The following CARF variants were observed in gnomAD, a reference collection of about 807,000 sequenced individuals.
CARF encodes calcium-responsive transcription factor.
A neutral mutation model predicts 82.0 loss-of-function variants in CARF; 57 were observed. That is an observed-to-expected ratio of 0.70 (90% confidence interval 0.56 to 0.87). The LOEUF is 0.87. Ranked by LOEUF, CARF falls within the 40% of genes least tolerant of loss-of-function variation. The pLI is 0.00. For synonymous variants in CARF, 268 were observed against 290.1 expected, an observed-to-expected ratio of 0.92 and a Z score of 0.77; for missense variants, 771 against 855.8, an observed-to-expected ratio of 0.90 and a Z score of 1.24.
intron 3 of CARF, among the ~76,000 whole-genome samples, chr2:202,927,385 T>C (rs1692047982): frequency 6.6e-6 from 1 of 152,204 alleles, no homozygotes; most frequent in Non-Finnish European, 1.5e-5. Context: ...ATTGTGTATA[T>C]TGATGATATA....
At chr2:202,978,139 C>T (rs1403905949) in intron 14 of CARF, among the ~76,000 whole-genome samples, 1 of 152,210 alleles carries the variant, frequency 6.6e-6, no homozygotes, top group East Asian at 1.9e-4. Flanking sequence ...AGCCACTGCA[C>T]CCGGCCAAAC....
At chr2:202,953,568 A>G (rs190193851) in intron 6 of CARF, among the ~76,000 whole-genome samples, 1 of 119,566 alleles carries the variant, frequency 8.4e-6, no homozygotes, top group Non-Finnish European at 1.6e-5. Flanking sequence ...CCTCATAGCT[A>G]TACTGTTATG....
chr2:202,953,178 C>T (rs2058835738), intron 6 of CARF, among the ~76,000 whole-genome samples: 1 of 151,774 alleles, frequency 6.6e-6, no homozygotes. Flanking sequence ...TGCAACCATG[C>T]CTAATTTTTA....
At chr2:202,947,430 A>G (rs1376717521) in intron 5 of CARF, among the ~76,000 whole-genome samples, 4 of 152,086 alleles carry the variant, frequency 2.6e-5, no homozygotes, top group African/African-American at 9.7e-5. Flanking sequence ...GAACAATGGG[A>G]ACACATGGAC....
At chr2:202,927,238 TC>T (rs1692012880) in intron 3 of CARF, among the ~76,000 whole-genome samples, 1 of 152,188 alleles carries the variant, frequency 6.6e-6, no homozygotes, top group South Asian at 2.1e-4. Context: ...TTGAATTACA[TC>T]CTTTAATATG....
intron 3 of CARF, among the ~76,000 whole-genome samples, chr2:202,936,867 A>T (rs181854645): frequency 4.6e-5 from 7 of 152,354 alleles, no homozygotes; most frequent in Admixed American, 2.0e-4. Flanking sequence ...CTAAGAAACC[A>T]TCACCAAATG....
At chr2:202,982,532 C>A in intron 16 of CARF, 91 bp downstream of exon 16, 1 of 1,417,980 alleles carries the variant, frequency 7.1e-7, no homozygotes, top group Non-Finnish European at 9.6e-7. Context: ...TTATTTCTAC[C>A]CAGTGGGTCT....
intron 8 of CARF, 66 bp from the exon 9 acceptor site, chr2:202,961,171 C>A (rs2059304850): frequency 7.7e-7 from 1 of 1,297,670 alleles, no homozygotes; most frequent in Non-Finnish European, 1.1e-6. Flanking sequence ...GGACAACCAT[C>A]TCATTACATT....
At position 202,916,652 on chromosome 2, in the gene CARF, G is replaced by A. The variant is rs1689723493; in HGVS notation, c.-329-1225G>A. ...GGGATTTATTCTAAGGTTATTGGTT[G>A]TAACAATAATATTTTAATACACAGA... On this transcript the variant is annotated intron_variant, in intron 1 of 16. Coordinates refer to ENST00000438828, the MANE Select transcript of CARF (RefSeq NM_024744.17). Among the ~76,000 whole-genome samples the A allele has an allele frequency of 2.0e-5, 3 of 152,128 alleles. No homozygotes were observed. The South Asian group carries it at 6.2e-4, about 31-fold the overall frequency.
Position 202,971,663 on chromosome 2 carries a change from C to CTTG in CARF, c.1257_1258insTGT (p.Pro419_Gln420insCys). 4.3e-6 allele frequency: 7 copies of CTTG among 1,613,538 alleles called. No individual in the cohort carries two copies. The highest frequency in any genetic ancestry group is 5.9e-6 in the Non-Finnish European group (7 of 1,179,716). On this transcript the variant is annotated inframe_insertion, in exon 12 of 17. Coordinates refer to ENST00000438828, the MANE Select transcript of CARF (RefSeq NM_024744.17). The stretch of plus-strand genomic sequence containing the variant: ...TGTGCATTACCCTCACGTTTACATC[C>CTTG]TCAAGTAGCACATAAGATTCAAGAA...
intron 5 of CARF, among the ~76,000 whole-genome samples, chr2:202,946,762 C>A (rs1452358481): frequency 6.6e-6 from 1 of 152,102 alleles, no homozygotes; most frequent in Non-Finnish European, 1.5e-5. Flanking sequence ...GGTCTAATAT[C>A]CAGAATCTAC....
At chr2:202,969,827 C>A in intron 10 of CARF, 92 bp from the exon 11 acceptor site, 1 of 813,288 alleles carries the variant, frequency 1.2e-6, no homozygotes, top group East Asian at 3.3e-5. Context: ...TTTCTCTAAG[C>A]TTAAATGCTT....
chr2:202,916,313 T>G (rs986465675), intron 1 of CARF, among the ~76,000 whole-genome samples: 7 of 152,012 alleles, frequency 4.6e-5, no homozygotes, highest in Non-Finnish European at 8.8e-5. Context: ...CCCCAGTAGC[T>G]AGGACTATAG....
chr2:202,976,906 CACTT>C (rs1480104471), intron 13 of CARF, among the ~76,000 whole-genome samples: 2 of 152,024 alleles, frequency 1.3e-5, no homozygotes, highest in Non-Finnish European at 2.9e-5. Flanking sequence ...GACTGAGTCT[CACTT>C]TGTTGCCCAG....
chr2:202,919,371 A>G (rs1690354082), intron 2 of CARF, among the ~76,000 whole-genome samples: 1 of 152,228 alleles, frequency 6.6e-6, no homozygotes, highest in South Asian at 2.1e-4. Context: ...AAATAAAATT[A>G]GGCTAGTAAA....
chr2:202,962,632 A>C (rs1257847042), intron 9 of CARF: 1 of 152,176 alleles, frequency 6.6e-6, no homozygotes, highest in African/African-American at 2.4e-5. Flanking sequence ...CTGTATTTTT[A>C]TACTTTACCT....
chr2:202,955,598 A>G (rs1279886401), intron 7 of CARF, 76 bp from the exon 8 acceptor site: 3 of 1,002,736 alleles, frequency 3.0e-6, no homozygotes, highest in Non-Finnish European at 4.4e-6. Flanking sequence ...CTTTGATACT[A>G]AGAGGATAAA....
chr2:202,922,881 T>C (rs1266656974), intron 2 of CARF, among the ~76,000 whole-genome samples: 1 of 152,080 alleles, frequency 6.6e-6, no homozygotes, highest in Non-Finnish European at 1.5e-5. Context: ...TGTTTGCAGA[T>C]GATATGATTG....
Position 202,987,773 on chromosome 2 carries a change from G to A in CARF, c.*4149G>A, listed in dbSNP as rs1457484130. ...ATACTAAAACCAGAGTACAGGGTGT[G>A]AATCATGTACCAGGAGGGATTTTAT... On this transcript the variant is annotated 3_prime_UTR_variant, in exon 17 of 17. Coordinates refer to ENST00000438828, the MANE Select transcript of CARF (RefSeq NM_024744.17). Among the ~76,000 whole-genome samples, 1 of 152,156 alleles carries A rather than the reference G, an allele frequency of 6.6e-6. No homozygotes were observed. The highest frequency in any genetic ancestry group is 2.4e-5 in the African/African-American group (1 of 41,440).
Sources: allele counts gnomAD v4.1 joint callset (sites outside exome capture counted in the v4.1 genomes callset), GRCh38; gene constraint gnomAD v4.1.1; transcripts MANE v1.5; gene names NCBI Gene and HGNC (gene_info 2026-07-23, HGNC 2026-07-21).